The following USP31 variants were observed in gnomAD, a reference collection of about 807,000 sequenced individuals.
USP31 encodes the protein ubiquitin carboxyl-terminal hydrolase 31.
Under a neutral mutation model 119.4 loss-of-function variants are expected in USP31, and 44 were observed. The ratio of observed to expected loss-of-function variants is 0.37; its 90% CI spans 0.29 to 0.47. USP31 has a LOEUF of 0.47. Among genes scored for constraint, USP31 ranks in the 20% least tolerant of loss-of-function variants. The probability of loss-of-function intolerance (pLI) is 0.99; values close to 1 mark genes in which losing one functional copy is unlikely to be tolerated. For missense variants in USP31, 1,643 were observed against 1,730.2 expected (o/e 0.95, Z 0.89); for synonymous variants, 749 against 705.6 (o/e 1.06, Z -0.97).
At chr16:23,108,792 T>C (rs1902209750) in intron 1 of USP31, among the ~76,000 whole-genome samples, 1 of 152,344 alleles carries the variant, frequency 6.6e-6, no homozygotes, top group Middle Eastern at 3.4e-3. Context: ...CTACAATGAA[T>C]ACATGTTACA....
Position 23,084,893 on chromosome 16 carries a change from G to T in USP31, c.1797C>A (p.Ser599=). 6.2e-7 allele frequency: 1 copy of T among 1,614,038 alleles called. No homozygotes were observed. The highest frequency in any genetic ancestry group is 8.5e-7 in the Non-Finnish European group (1 of 1,179,996). Residue 599 remains serine (S), a synonymous_variant, in exon 11 of 16, where the codon TCC becomes TCA. Transcript: ENST00000219689. ...RHHQPQTCTL[S]QCFQLYTKEE... ...CTTTGGTGTACAGTTGGAAACACTG[G>T]GATAAAGTGCAGGTTTGAGGCTGAT...
intron 1 of USP31, among the ~76,000 whole-genome samples, chr16:23,127,157 GT>G (rs1902884827): frequency 6.6e-6 from 1 of 152,124 alleles, no homozygotes; most frequent in Admixed American, 6.6e-5. Flanking sequence ...GACTAGTGTG[GT>G]GGCTCACTCC....
At chr16:23,117,760 T>TTTTTTTTGTTG (rs1555468289) in intron 1 of USP31, among the ~76,000 whole-genome samples, 1 of 145,010 alleles carries the variant, frequency 6.9e-6, no homozygotes, top group Non-Finnish European at 1.5e-5. Context: ...TCTTTTTTTT[T>TTTTTTTTGTTG]TTGTTGTTGT....
chr16:23,125,750 T>A (rs1435276022), intron 1 of USP31, among the ~76,000 whole-genome samples: 1 of 152,202 alleles, frequency 6.6e-6, no homozygotes, highest in African/African-American at 2.4e-5. Context: ...TTTTAGAAGA[T>A]TAAAGAACTT....
chr16:23,140,392 G>C (rs1596738689), intron 1 of USP31, among the ~76,000 whole-genome samples: 1 of 152,266 alleles, frequency 6.6e-6, no homozygotes, highest in East Asian at 1.9e-4. Context: ...CAGGGATTCT[G>C]CTAAACATCC....
intron 1 of USP31, among the ~76,000 whole-genome samples, chr16:23,147,134 T>TA (rs1238878295): frequency 6.6e-6 from 1 of 152,094 alleles, no homozygotes; most frequent in Non-Finnish European, 1.5e-5. Context: ...TTTTTACAGA[T>TA]AGAGTTTCCT....
intron 1 of USP31, among the ~76,000 whole-genome samples, chr16:23,112,078 A>G (rs1902336184): frequency 6.6e-6 from 1 of 152,196 alleles, no homozygotes; most frequent in African/African-American, 2.4e-5. Flanking sequence ...CAACTTACTG[A>G]ATAAAATGAA....
rs534757434 is a variant in USP31 at position 23,092,816 on chromosome 16, C to T, written c.1235-2012G>A. On this transcript the variant is annotated intron_variant, in intron 6 of 15. Coordinates refer to ENST00000219689, the MANE Select transcript of USP31 (RefSeq NM_020718.4). ...GGAGAAAGCTGGCCAACCCAATATA[C>T]AGGATCACCGAAAGAATCAGAAACT... Among the ~76,000 whole-genome samples the T allele has an allele frequency of 2.6e-5, 4 of 152,230 alleles. No individual in the cohort carries two copies. The East Asian group carries it at 7.7e-4, about 29-fold the overall frequency.
Position 23,069,028 on chromosome 16 carries a change from G to A in USP31, c.3077C>T (p.Ser1026Phe). ...AKKPESTTKR[S>F]PSSKGTSEPE... ...CTCAGAAGTGCCTTTGGAACTGGGG[G>A]ATCTCTTAGTTGTGCTCTCTGGTTT... Residue 1026 changes from serine to phenylalanine, a missense_variant, in exon 16 of 16, where the codon TCC becomes TTC. Transcript: ENST00000219689. The A allele has an allele frequency of 6.2e-7, 1 of 1,613,498 alleles. No individual in the cohort carries two copies. The highest frequency in any genetic ancestry group is 8.5e-7 in the Non-Finnish European group (1 of 1,180,028).
At position 23,148,773 on chromosome 16, in the gene USP31, G is replaced by C. The variant is rs752232479; in HGVS notation, c.498C>G (p.Pro166=). The C allele has an allele frequency of 5.9e-6, 9 of 1,530,760 alleles. No homozygotes were observed. The Admixed American group carries it at 6.5e-5, about 11-fold the overall frequency. The allele number at this position is 1,530,760 out of a possible 1,614,324, so 94.8% of individuals were successfully genotyped here. Residue 166 remains proline (P), a synonymous_variant, in exon 1 of 16, where the codon CCC becomes CCG. Coordinates refer to ENST00000219689, the MANE Select transcript of USP31 (RefSeq NM_020718.4). ...LALGQYRAGR[P]EPSPDPEQPA... ...GCTGCTCCGGGTCAGGCGAGGGCTC[G>C]GGCCGCCCCGCCCGGTACTGGCCCA...
At chr16:23,147,683 T>C (rs117371556) in intron 1 of USP31, among the ~76,000 whole-genome samples, 2,316 of 152,262 alleles carry the variant, frequency 0.015, 37 homozygotes, top group South Asian at 0.021. Context: ...TCCCAGCACT[T>C]TGGGAGGCCA....
rs551918194 is a variant in USP31, at chr16:23,062,028, T to C, written c.*6018A>G. 8 of 152,746 alleles carry C rather than the reference T, an allele frequency of 5.2e-5. No individual in the cohort carries two copies. The highest frequency in any genetic ancestry group is 1.2e-4 in the Non-Finnish European group (8 of 68,034). 9.5% of individuals were successfully genotyped at this position (152,746 alleles called of 1,614,324 possible). ...ACCGTTTATAATAGCACCTAGGAAA[T>C]TTCATATTGCATTTGGACGACTGCA... is the stretch of plus-strand genomic sequence containing the variant. On this transcript the variant is annotated 3_prime_UTR_variant, in exon 16 of 16. Coordinates refer to ENST00000219689, the MANE Select transcript of USP31 (RefSeq NM_020718.4).
intron 5 of USP31, among the ~76,000 whole-genome samples, chr16:23,102,972 A>C (rs1057438434): frequency 3.3e-5 from 5 of 152,232 alleles, no homozygotes; most frequent in African/African-American, 1.2e-4. Flanking sequence ...GTGCCATGTT[A>C]TAAAAGGGAT....
chr16:23,116,101 G>C lies in USP31; in HGVS notation c.634-7918C>G, dbSNP rs527570632. Among the ~76,000 whole-genome samples, 276 of 152,236 alleles carry C rather than the reference G, an allele frequency of 1.8e-3. 2 individuals are homozygous for C. The highest frequency in any genetic ancestry group is 2.7e-3 in the Non-Finnish European group (182 of 68,022). ...GACTGGAAGTTGGGCTCCTCTTTTG[G>C]GAAGAAGGGTAGCTTGCAAGACTCA... On this transcript the variant is annotated intron_variant, in intron 1 of 15. Coordinates refer to ENST00000219689, the MANE Select transcript of USP31 (RefSeq NM_020718.4).
At chr16:23,143,240 G>A (rs1183102224) in intron 1 of USP31, among the ~76,000 whole-genome samples, 1 of 152,156 alleles carries the variant, frequency 6.6e-6, no homozygotes, top group Non-Finnish European at 1.5e-5. Context: ...ATCACTCTGT[G>A]CTAGCTGTTC....
intron 1 of USP31, among the ~76,000 whole-genome samples, chr16:23,132,332 G>GT (rs371381341): frequency 0.011 from 1,374 of 124,928 alleles, 3 homozygotes; most frequent in Middle Eastern, 0.033. Flanking sequence ...AATATAAAAG[G>GT]TTTTTTTTTT....
intron 15 of USP31, among the ~76,000 whole-genome samples, chr16:23,071,146 G>A (rs1900326789): frequency 6.6e-6 from 1 of 152,176 alleles, no homozygotes; most frequent in Admixed American, 6.5e-5. Context: ...AGAGGAAGAG[G>A]CAACAAGCCA....
chr16:23,067,191 C>T lies in USP31; in HGVS notation c.*855G>A, dbSNP rs1016537622. Reference sequence around the variant, plus strand: ...AGGTGTTAACTGCTCTACTACAGTGCAAAATTCCAAGAGCCTTAGCTAGTA... The same window carrying T: ...AGGTGTTAACTGCTCTACTACAGTGTAAAATTCCAAGAGCCTTAGCTAGTA... On this transcript the variant is annotated 3_prime_UTR_variant, in exon 16 of 16. Coordinates refer to ENST00000219689, the MANE Select transcript of USP31 (RefSeq NM_020718.4). The T allele has an allele frequency of 6.6e-6, 1 of 152,578 alleles. No individual in the cohort carries two copies. The highest frequency in any genetic ancestry group is 1.5e-5 in the Non-Finnish European group (1 of 68,032). The allele number at this position is 152,578 out of a possible 1,614,324, so 9.5% of individuals were successfully genotyped here. A position where few individuals can be genotyped will look rare whatever the true frequency, so the allele number is the denominator to read the frequency against.
intron 5 of USP31, among the ~76,000 whole-genome samples, chr16:23,103,269 T>C (rs1232074445): frequency 6.6e-6 from 1 of 152,154 alleles, no homozygotes; most frequent in Non-Finnish European, 1.5e-5. Flanking sequence ...TAATTTTCTA[T>C]TTTTCAAGCC....
Sources: gnomAD v4.1 joint callset for allele counts (sites outside exome capture counted in the v4.1 genomes callset) on GRCh38, gnomAD v4.1.1 for gene constraint, MANE v1.5 for transcripts, NCBI Gene and HGNC (gene_info 2026-07-23, HGNC 2026-07-21) for gene names.